The following PLA2G4B variants were observed in gnomAD, a reference collection of about 807,000 sequenced individuals.
PLA2G4B encodes the protein phospholipase A2 group IVB.
A neutral mutation model predicts 95.8 loss-of-function variants in PLA2G4B; 122 were observed. The ratio of observed to expected loss-of-function variants is 1.27; its 90% confidence interval spans 1.10 to 1.48. The LOEUF (loss-of-function observed/expected upper bound fraction) is 1.48. Ranked by LOEUF, PLA2G4B falls within the 40% of genes most tolerant of loss-of-function variation. PLA2G4B has a pLI of 0.00. For synonymous variants in PLA2G4B, 518 were observed against 421.5 expected (o/e 1.23, Z -2.80); for missense variants, 1,158 against 996.2 (o/e 1.16, Z -2.19).
At position 41,847,993 on chromosome 15, in the gene PLA2G4B, G is replaced by A. The variant is rs772264148; in HGVS notation, c.*133G>A. The A allele has an allele frequency of 3.9e-6, 5 of 1,267,558 alleles. No individual in the cohort carries two copies. The highest frequency in any genetic ancestry group is 2.5e-5 in the East Asian group (1 of 39,428). The allele number at this position is 1,267,558 out of a possible 1,614,324, so 78.5% of individuals were successfully genotyped here. ...GGTCCCAGGGTCCAGGCTGAGGGCT[G>A]GGAGCTCCCTTGCGCCTCAGCAGTT... On this transcript the variant is annotated 3_prime_UTR_variant, in exon 20 of 20. Coordinates refer to ENST00000458483, the MANE Select transcript of PLA2G4B (RefSeq NM_001114633.2).
In PLA2G4B at chr15:41,840,108, C is replaced by T. The variant is rs548490622; in HGVS notation, c.10-50C>T. Reference sequence around the variant, plus strand: ...CCAGCCTCCTTTGTGGCCCCTGTCACCCTTGGCTTCATCGGCCCGTAGCAG... The same window carrying T: ...CCAGCCTCCTTTGTGGCCCCTGTCATCCTTGGCTTCATCGGCCCGTAGCAG... On this transcript the variant is annotated intron_variant, in intron 1 of 19. Transcript: ENST00000458483. 1.9e-6 allele frequency: 3 copies of T among 1,600,256 alleles called. No individual in the cohort carries two copies. The South Asian group carries it at 3.3e-5, about 18-fold the overall frequency.
intron 3 of PLA2G4B, 42 bp downstream of exon 3, chr15:41,840,702 AGCCACT>A (rs1363104927): frequency 6.2e-7 from 1 of 1,606,250 alleles, no homozygotes; most frequent in South Asian, 1.1e-5. Flanking sequence ...CATCCTCGCC[AGCCACT>A]GCCGCTGCCC....
At chr15:41,846,887 C>A in intron 18 of PLA2G4B, 52 bp downstream of exon 18, 1 of 1,544,550 alleles carries the variant, frequency 6.5e-7, no homozygotes, top group East Asian at 2.3e-5. Context: ...CCCCTGTCCC[C>A]TGAAGAGAGG....
At position 41,841,965 on chromosome 15, in the gene PLA2G4B, C is replaced by A. The variant is rs772065602; in HGVS notation, c.621+16C>A. On this transcript the variant is annotated intron_variant, in intron 8 of 19. Coordinates refer to ENST00000458483, the MANE Select transcript of PLA2G4B (RefSeq NM_001114633.2). ...TCGCCTGCAGGTAGTGTGCCTCGCT[C>A]CCTCGAGGTGGGGCCCCCAGAACTT... 2 of 1,605,428 alleles carry A rather than the reference C, an allele frequency of 1.2e-6. No homozygotes were observed. Among genetic ancestry groups the A allele is most frequent in the Non-Finnish European group, 1.7e-6 (2 of 1,177,082 alleles).
chr15:41,842,460 G>A (rs924599011), intron 9 of PLA2G4B, 94 bp from the exon 10 acceptor site: 26 of 1,542,126 alleles, frequency 1.7e-5, no homozygotes, highest in Non-Finnish European at 2.1e-5. Context: ...AGACGGTGGC[G>A]GGGCGGGGGT....
chr15:41,844,936 A>T lies in PLA2G4B; in HGVS notation c.1105A>T (p.Asn369Tyr), dbSNP rs949702140. The stretch of plus-strand genomic sequence containing the variant: ...GTTGCTGAAGACCCAGGTGACCAAG[A>T]ACAAGCTGGGTGTGCTGGCCCCCAG... ...TELLKTQVTK[N>Y]KLGVLAPSQL... Residue 369 changes from asparagine (N) to tyrosine (Y), a missense_variant, in exon 13 of 20, where the codon AAC becomes TAC. Physicochemically the swap from Asn to Tyr is moderately radical, Grantham distance 143. Coordinates refer to ENST00000458483, the MANE Select transcript of PLA2G4B (RefSeq NM_001114633.2). 3 of 1,612,602 alleles carry T rather than the reference A, an allele frequency of 1.9e-6. No individual in the cohort carries two copies. Among genetic ancestry groups the T allele is most frequent in the Non-Finnish European group, 2.5e-6 (3 of 1,179,502 alleles).
At chr15:41,840,467 G>A in intron 2 of PLA2G4B, 57 bp from the exon 3 acceptor site, 16 of 1,610,986 alleles carry the variant, frequency 9.9e-6, no homozygotes, top group Non-Finnish European at 1.4e-5. Context: ...AAGGAAGTGG[G>A]TCTGGGCGGC....
chr15:41,844,768 C>G lies in PLA2G4B; in HGVS notation c.1017-80C>G, dbSNP rs2065501623. The G allele has an allele frequency of 2.5e-5, 38 of 1,536,806 alleles. No individual in the cohort carries two copies. The South Asian group carries it at 3.0e-4, about 12-fold the overall frequency. The stretch of plus-strand genomic sequence containing the variant: ...GGGAAGGTCCCTGCCAGGCCATTGT[C>G]CTAGAAAGCCCGGGGCACGTGGGGT... On this transcript the variant is annotated intron_variant, in intron 12 of 19. Coordinates refer to ENST00000458483, the MANE Select transcript of PLA2G4B (RefSeq NM_001114633.2).
At chr15:41,839,041 G>A (rs2065377023) in intron 1 of PLA2G4B, 119 bp downstream of exon 1, 2 of 773,984 alleles carry the variant, frequency 2.6e-6, no homozygotes, top group Non-Finnish European at 2.1e-6. Context: ...GGAGTTTATT[G>A]ACCACAAGAC....
rs992215617 is a variant in PLA2G4B, at chr15:41,847,402, C to G, written c.2013C>G (p.Ser671Arg). Residue 671 changes from serine to arginine, a missense_variant, in exon 19 of 20, where the codon AGC becomes AGG. Physicochemically the swap from Ser to Arg is moderately radical, Grantham distance 110. Coordinates refer to ENST00000458483, the MANE Select transcript of PLA2G4B (RefSeq NM_001114633.2). ...TCCCGTTCCCACCCATCTCGCCCAG[C>G]CCCGAAGAGCAGCTCCAGCCTCGGG... ...QGIPFPPISP[S>R]PEEQLQPREC... is the part of the protein sequence containing the mutation. The G allele has an allele frequency of 6.8e-6, 11 of 1,612,892 alleles. No individual in the cohort carries two copies. In the South Asian group the frequency reaches 9.9e-5, roughly 14 times the overall value.
rs1186114424 is a variant in PLA2G4B at position 41,847,853 on chromosome 15, C to T, written c.2339C>T (p.Pro780Leu). 1.9e-6 allele frequency: 3 copies of T among 1,612,364 alleles called. No individual in the cohort carries two copies. The highest frequency in any genetic ancestry group is 2.2e-5 in the East Asian group (1 of 44,888). ...QAVQRRRQRR[P>L]H ...GTGCAGCGGAGGCGGCAGCGCAGGC[C>T]CCACTGATGGCCGGGGCCCCTGCCA... is the stretch of plus-strand genomic sequence containing the variant. Residue 780 changes from proline (P) to leucine (L), a missense_variant, in exon 20 of 20, where the codon CCC becomes CTC. Physicochemically the swap from Pro to Leu is moderately conservative, Grantham distance 98. Transcript: ENST00000458483.
At position 41,847,495 on chromosome 15, in the gene PLA2G4B, C is replaced by T. The variant is rs887915810; in HGVS notation, c.2106C>T (p.Ser702=). 6.8e-6 allele frequency: 11 copies of T among 1,608,458 alleles called. No homozygotes were observed. The highest frequency in any genetic ancestry group is 6.7e-5 in the East Asian group (3 of 44,742). Residue 702 remains serine (S), a synonymous_variant, in exon 19 of 20, where the codon AGC becomes AGT. Transcript: ENST00000458483. ...APAVLHFPLV[S]DSFREYSAPG... is the part of the protein sequence containing the mutation. ...CGGTGCTGCACTTTCCTCTGGTCAGCGACTCCTTCCGGGAGTACTCGGCCC... is the reference window on the plus strand; with the variant it reads ...CGGTGCTGCACTTTCCTCTGGTCAGTGACTCCTTCCGGGAGTACTCGGCCC...
rs757168189 is a variant in PLA2G4B, at chr15:41,841,295, G to A, written c.435+22G>A. The A allele has an allele frequency of 1.6e-5, 26 of 1,612,070 alleles. No individual in the cohort carries two copies. In the East Asian group the frequency reaches 5.3e-4, roughly 33 times the overall value. Reference sequence around the variant, plus strand: ...GGTGGTGAGTGTGCCAGTGCTCTGGGAGGCGGTCTGGGGTCCCCGGGACTC... The same window carrying A: ...GGTGGTGAGTGTGCCAGTGCTCTGGAAGGCGGTCTGGGGTCCCCGGGACTC... On this transcript the variant is annotated intron_variant, in intron 6 of 19. Coordinates refer to ENST00000458483, the MANE Select transcript of PLA2G4B (RefSeq NM_001114633.2).
At position 41,840,597 on chromosome 15, in the gene PLA2G4B, C is replaced by G; in HGVS notation, c.156C>G (p.Val52=). ...ACSHRLQTRT[V]KNSSSPVWNQ... ...GCCACAGGCTCCAGACACGCACGGT[C>G]AAGAACAGCAGTAGCCCTGTCTGGA... Residue 52 remains valine (V), a synonymous_variant, in exon 3 of 20, where the codon GTC becomes GTG. Coordinates refer to ENST00000458483, the MANE Select transcript of PLA2G4B (RefSeq NM_001114633.2). The G allele has an allele frequency of 1.9e-6, 3 of 1,614,006 alleles. No individual in the cohort carries two copies. The highest frequency in any genetic ancestry group is 2.5e-6 in the Non-Finnish European group (3 of 1,180,020).
rs369865819 is a variant in PLA2G4B at position 41,845,802 on chromosome 15, G to C, written c.1495+27G>C. The C allele has an allele frequency of 2.6e-6, 4 of 1,567,920 alleles. No homozygotes were observed. In the African/African-American group the frequency reaches 4.1e-5, roughly 16 times the overall value. ...TGAGGGGCACTGGCAGGCTGGGGAA[G>C]CTGGGCCGAGCAGGGAAAATGGGTC... On this transcript the variant is annotated intron_variant, in intron 15 of 19. Coordinates refer to ENST00000458483, the MANE Select transcript of PLA2G4B (RefSeq NM_001114633.2).
chr15:41,840,398 C>G lies in PLA2G4B; in HGVS notation c.83-126C>G, dbSNP rs949820177. On this transcript the variant is annotated intron_variant, in intron 2 of 19. Transcript: ENST00000458483. ...TGGAAGGTGGCAGCTGGGGCTCTGC[C>G]TCTGGCCCCCACTTCCCCTCCCCCT... 8.4e-5 allele frequency: 133 copies of G among 1,584,832 alleles called. 1 individual carries two copies. The South Asian group carries it at 1.5e-3, about 18-fold the overall frequency.
At chr15:41,847,603 C>A (rs756294344) in intron 19 of PLA2G4B, 46 bp from the exon 20 acceptor site, 2 of 1,612,584 alleles carry the variant, frequency 1.2e-6, no homozygotes, top group Non-Finnish European at 1.7e-6. Flanking sequence ...CCAAACCTGT[C>A]TTCCCCACAA....
chr15:41,842,668 TGA>T (rs2065456672), intron 10 of PLA2G4B, 77 bp downstream of exon 10: 1 of 1,568,476 alleles, frequency 6.4e-7, no homozygotes, highest in African/African-American at 1.4e-5. Context: ...CCTGGAGGAG[TGA>T]GGGGGAGAAA....
chr15:41,846,410 G>A, intron 17 of PLA2G4B, 28 bp downstream of exon 17: 3 of 1,587,178 alleles, frequency 1.9e-6, no homozygotes, highest in East Asian at 4.5e-5. Flanking sequence ...AAGTCCTCCT[G>A]TGGCCACCTG....
Sources: gnomAD v4.1 joint callset for allele counts on GRCh38, gnomAD v4.1.1 for gene constraint, MANE v1.5 for transcripts, NCBI Gene and HGNC (gene_info 2026-07-23, HGNC 2026-07-21) for gene names.